Variants in TFPI observed in about 807,000 individuals in gnomAD.
TFPI encodes the protein anti-convertin.
TFPI carries 15 observed loss-of-function variants against 34.6 expected under a neutral mutation model. That is an observed-to-expected ratio of 0.43 (90% CI 0.29 to 0.67). The LOEUF is 0.67. TFPI is among the 30% of genes least tolerant of loss of function. The probability of loss-of-function intolerance (pLI) is 0.15; values close to 1 mark genes in which losing one functional copy is unlikely to be tolerated. For synonymous variants in TFPI, 105 were observed against 120.1 expected, an observed-to-expected ratio of 0.87 and a Z score of 0.82; for missense variants, 301 against 364.0, an observed-to-expected ratio of 0.83 and a Z score of 1.41.
At chr2:187,486,284 TC>T (rs1236612221) in intron 4 of TFPI, among the ~76,000 whole-genome samples, 2 of 151,668 alleles carry the variant, frequency 1.3e-5, no homozygotes, top group Non-Finnish European at 3.0e-5. Context: ...TGAATTACTA[TC>T]ATATGATTTG....
intron 6 of TFPI, among the ~76,000 whole-genome samples, chr2:187,468,877 T>C (rs1691872144): frequency 6.6e-6 from 1 of 152,066 alleles, no homozygotes; most frequent in South Asian, 2.1e-4. Context: ...AAAACTTTAA[T>C]GGCTTTGTCA....
At chr2:187,541,088 C>G (rs2106302474) in intron 1 of TFPI, among the ~76,000 whole-genome samples, 1 of 152,106 alleles carries the variant, frequency 6.6e-6, no homozygotes, top group South Asian at 2.1e-4. Flanking sequence ...TATTTCATAA[C>G]ATCACAAATA....
chr2:187,468,483 A>C (rs2105945667), intron 6 of TFPI, among the ~76,000 whole-genome samples: 1 of 152,232 alleles, frequency 6.6e-6, no homozygotes, highest in South Asian at 2.1e-4. Context: ...AGGTATGGCA[A>C]GTTTTAAGTT....
rs1020106553 is a variant in TFPI at position 187,466,751 on chromosome 2, A to C, written c.*185T>G. On this transcript the variant is annotated 3_prime_UTR_variant, in exon 8 of 8. Coordinates refer to ENST00000233156, the MANE Select transcript of TFPI (RefSeq NM_006287.6). ...GCCAGTTAATAAATTACAGACCTAG[A>C]ATAAGCAATTTAACAAGATTAGAAA... 29 of 359,900 alleles carry C rather than the reference A, an allele frequency of 8.1e-5. No homozygotes were observed. The highest frequency in any genetic ancestry group is 4.9e-5 in the Admixed American group (1 of 20,514). 22.3% of individuals were successfully genotyped at this position (359,900 alleles called of 1,614,324 possible). A position where few individuals can be genotyped will look rare whatever the true frequency, so the allele number is the denominator to read the frequency against.
intron 1 of TFPI, chr2:187,547,621 G>A (rs748297791): frequency 6.6e-6 from 1 of 152,050 alleles, no homozygotes; most frequent in Admixed American, 6.6e-5. Context: ...TCCCCCAGGA[G>A]CCATTAAGAA....
chr2:187,536,781 G>C (rs561370894), intron 1 of TFPI, among the ~76,000 whole-genome samples: 1 of 152,158 alleles, frequency 6.6e-6, no homozygotes, highest in African/African-American at 2.4e-5. Flanking sequence ...AATAGGAAAA[G>C]AGGAAGTCAA....
At chr2:187,524,934 G>A (rs940460654) in intron 1 of TFPI, among the ~76,000 whole-genome samples, 1 of 151,594 alleles carries the variant, frequency 6.6e-6, no homozygotes, top group African/African-American at 2.4e-5. Flanking sequence ...ACTAAAGAAA[G>A]GTGGGCTTAG....
In TFPI at chr2:187,486,328, T is replaced by A. The variant is rs8176509; in HGVS notation, c.359-1341A>T. 7.2e-3 allele frequency among the ~76,000 whole-genome samples: 1,097 copies of A among 151,690 alleles called. 14 individuals carry two copies. Among genetic ancestry groups the A allele is most frequent in the African/African-American group, 0.025 (1,031 of 41,514 alleles). ...CTTAATGTGTACTTTTTATGAAATT[T>A]TAAATGATCTGAACAGAGGATACAA... On this transcript the variant is annotated intron_variant, in intron 4 of 7. Coordinates refer to ENST00000233156, the MANE Select transcript of TFPI (RefSeq NM_006287.6).
At position 187,545,343 on chromosome 2, in the gene TFPI, T is replaced by C. The variant is rs559935209; in HGVS notation, c.-3+8857A>G. On this transcript the variant is annotated intron_variant, in intron 1 of 7. Transcript: ENST00000233156. ...TGTTACAACACAATAGCATATAGCA[T>C]ATGCAAACTATTTATTTAAATAATT... 5.9e-5 allele frequency among the ~76,000 whole-genome samples: 9 copies of C among 152,266 alleles called. 1 individual carries two copies. The South Asian group carries it at 1.9e-3, about 32-fold the overall frequency.
intron 3 of TFPI, among the ~76,000 whole-genome samples, chr2:187,492,949 T>A (rs1483332255): frequency 6.6e-6 from 1 of 152,110 alleles, no homozygotes; most frequent in Non-Finnish European, 1.5e-5. Context: ...AATGTGCAAG[T>A]GCATGGTGCA....
At chr2:187,484,493 T>C (rs1232034182) in intron 5 of TFPI, 2 of 492,002 alleles carry the variant, frequency 4.1e-6, no homozygotes, top group African/African-American at 4.0e-5. Context: ...AGGTGGTGGT[T>C]TTCAGTAACT....
chr2:187,499,141 T>C (rs1343497699), intron 2 of TFPI, among the ~76,000 whole-genome samples: 1 of 151,758 alleles, frequency 6.6e-6, no homozygotes, highest in African/African-American at 2.4e-5. Flanking sequence ...TCAAATCCTT[T>C]ATCTAACATT....
Position 187,481,551 on chromosome 2 carries a change from G to A in TFPI, c.628+2573C>T, listed in dbSNP as rs8176523. The stretch of plus-strand genomic sequence containing the variant: ...AGGTTTTAAGAAGAATGGCAACATA[G>A]CTTCATTGACAATCCACCTTATGCC... On this transcript the variant is annotated intron_variant, in intron 6 of 7. Coordinates refer to ENST00000233156, the MANE Select transcript of TFPI (RefSeq NM_006287.6). Among the ~76,000 whole-genome samples, 735 of 150,650 alleles carry A rather than the reference G, an allele frequency of 4.9e-3. 8 individuals carry two copies. Among genetic ancestry groups the A allele is most frequent in the African/African-American group, 0.017 (709 of 41,036 alleles).
chr2:187,531,449 GT>G (rs1226255188), intron 1 of TFPI, among the ~76,000 whole-genome samples: 1 of 152,040 alleles, frequency 6.6e-6, no homozygotes, highest in Non-Finnish European at 1.5e-5. Flanking sequence ...TCTTTTTACA[GT>G]TATTACAAGT....
intron 5 of TFPI, 137 bp downstream of exon 5, chr2:187,484,674 T>A: frequency 1.5e-6 from 1 of 684,400 alleles, no homozygotes; most frequent in Non-Finnish European, 2.3e-6. Context: ...CAGTCACAAA[T>A]CTCACATTGA....
chr2:187,547,964 T>C (rs1246798794), intron 1 of TFPI, among the ~76,000 whole-genome samples: 3 of 152,118 alleles, frequency 2.0e-5, no homozygotes, highest in Non-Finnish European at 4.4e-5. Flanking sequence ...GGAAGTTACA[T>C]CAAATCCTCA....
intron 1 of TFPI, among the ~76,000 whole-genome samples, chr2:187,544,985 G>A (rs1688780806): frequency 6.6e-6 from 1 of 151,976 alleles, no homozygotes; most frequent in Non-Finnish European, 1.5e-5. Context: ...TGTGGTGTGC[G>A]CCTGTAATCA....
At chr2:187,528,214 T>C (rs1687776409) in intron 1 of TFPI, among the ~76,000 whole-genome samples, 1 of 152,136 alleles carries the variant, frequency 6.6e-6, no homozygotes. Flanking sequence ...GAGAAGGGCG[T>C]AGGTCTAAAG....
chr2:187,533,133 A>C (rs545758138), intron 1 of TFPI, among the ~76,000 whole-genome samples: 2 of 152,210 alleles, frequency 1.3e-5, no homozygotes, highest in Admixed American at 1.3e-4. Context: ...GGATGTGGAC[A>C]CAGCTTCAGC....
Sources: gnomAD v4.1 joint callset for allele counts (sites outside exome capture counted in the v4.1 genomes callset) on GRCh38, gnomAD v4.1.1 for gene constraint, MANE v1.5 for transcripts, NCBI Gene and HGNC (gene_info 2026-07-23, HGNC 2026-07-21) for gene names.